SYNE2: variants seen among roughly 807,000 people sequenced by gnomAD.
The protein encoded by SYNE2 is nesprin-2.
SYNE2 carries 431 observed loss-of-function variants against 856.3 expected under a neutral mutation model. The observed-to-expected ratio is 0.50, with a 90% CI of 0.47 to 0.55. The LOEUF (loss-of-function observed/expected upper bound fraction) is 0.55. SYNE2 is among the 20% of genes least tolerant of loss of function. SYNE2 has a pLI of 0.00. For synonymous variants in SYNE2, 2,923 were observed against 2,872.3 expected (o/e 1.02, Z -0.56); for missense variants, 8,129 against 8,023.2 (o/e 1.01, Z -0.50).
chr14:64,168,776 T>G (rs1293545373), intron 92 of SYNE2, 101 bp from the exon 93 acceptor site: 2 of 826,542 alleles, frequency 2.4e-6, no homozygotes, highest in Non-Finnish European at 4.0e-6. Flanking sequence ...TAATTATCCC[T>G]CATATCCTTT....
chr14:63,817,843 G>A (rs1327678351), intron 1 of SYNE2, among the ~76,000 whole-genome samples: 2 of 151,246 alleles, frequency 1.3e-5, no homozygotes, highest in Non-Finnish European at 2.9e-5. Context: ...GGGCAACACA[G>A]GGAGACCCTG....
Position 64,207,948 on chromosome 14 carries a change from C to G in SYNE2, c.18202-810C>G. On this transcript the variant is annotated intron_variant, in intron 100 of 115. Transcript: ENST00000555002. ...CAAAACAGGTTCCTTATCTCTCTCCCTCCCCGCAGCCCACCCATGGGGTAC... is the reference window on the plus strand; with the variant it reads ...CAAAACAGGTTCCTTATCTCTCTCCGTCCCCGCAGCCCACCCATGGGGTAC... The G allele has an allele frequency of 6.6e-6, 3 of 454,708 alleles. No individual in the cohort carries two copies. The Middle Eastern group carries it at 9.8e-4, about 148-fold the overall frequency. 28.2% of individuals were successfully genotyped at this position (454,708 alleles called of 1,614,324 possible). A position where few individuals can be genotyped will look rare whatever the true frequency, so the allele number is the denominator to read the frequency against.
At position 64,053,279 on chromosome 14, in the gene SYNE2, A is replaced by G. The variant is rs369128922; in HGVS notation, c.9366A>G (p.Gln3122=). The G allele has an allele frequency of 2.3e-4, 373 of 1,608,600 alleles. 3 individuals carry two copies. The South Asian group carries it at 4.0e-3, about 17-fold the overall frequency. ...CATTCAAGGAGAAAGAAATACTACA[A>G]ATAAAGCTGAATGCAGAAGAAAATG... ...DDSFKEKEIL[Q]IKLNAEENDK... The change falls in exon 48 of 116, where the codon CAA becomes CAG. Residue 3122 remains glutamine (Q), a synonymous_variant. Transcript: ENST00000555002.
Position 64,190,187 on chromosome 14 carries a change from C to A in SYNE2, c.17988C>A (p.Leu5996=), listed in dbSNP as rs1250645489. 14 of 1,613,996 alleles carry A rather than the reference C, an allele frequency of 8.7e-6. No homozygotes were observed. Among genetic ancestry groups the A allele is most frequent in the Non-Finnish European group, 1.2e-5 (14 of 1,180,012 alleles). Residue 5996 remains leucine, a synonymous_variant, in exon 99 of 116, where the codon CTC becomes CTA. Coordinates refer to ENST00000555002, the MANE Select transcript of SYNE2 (RefSeq NM_182914.3). Reference sequence around the variant, plus strand: ...GAGCAGCTGAGATCGATGACAAGCTCAACAAAATTAACGATCGTTGGCAAC... The same window carrying A: ...GAGCAGCTGAGATCGATGACAAGCTAAACAAAATTAACGATCGTTGGCAAC... ...KSRAAEIDDK[L]NKINDRWQHL...
chr14:64,129,513 A>T (rs1428617545), intron 74 of SYNE2, among the ~76,000 whole-genome samples: 1 of 152,162 alleles, frequency 6.6e-6, no homozygotes, highest in Middle Eastern at 3.2e-3. Flanking sequence ...AGAGCTGGTG[A>T]GTGAGGAATG....
At chr14:63,804,698 TG>T (rs1269446998) in intron 1 of SYNE2, among the ~76,000 whole-genome samples, 2 of 152,114 alleles carry the variant, frequency 1.3e-5, no homozygotes, top group African/African-American at 4.8e-5. Flanking sequence ...TTCTCCATGT[TG>T]GTCAGGCTGA....
intron 63 of SYNE2, 183 bp downstream of exon 63, chr14:64,099,004 T>TCTTACACA: frequency 1.6e-6 from 1 of 625,196 alleles, no homozygotes; most frequent in Non-Finnish European, 2.8e-6. Flanking sequence ...CCTACTTCAC[T>TCTTACACA]GTGTAAGAGT....
intron 51 of SYNE2, 50 bp downstream of exon 51, chr14:64,065,700 A>G (rs2097353943): frequency 1.9e-6 from 3 of 1,595,296 alleles, no homozygotes; most frequent in Non-Finnish European, 2.6e-6. Flanking sequence ...ATGTTATTTA[A>G]ATTGTTTTAT....
chr14:63,849,847 A>G (rs994793992), upstream of SYNE2, among the ~76,000 whole-genome samples: 7 of 152,204 alleles, frequency 4.6e-5, no homozygotes, highest in African/African-American at 1.7e-4. Flanking sequence ...TCACCTGCTC[A>G]GTACGCTGTG....
Position 64,078,668 on chromosome 14 carries a change from A to T in SYNE2, c.11163+62A>T, listed in dbSNP as rs2097491051. ...CTTCTGACCCACTCCTGCCTTGTTC[A>T]TCAGTCACCACAGGGTGAGTTCTTT... On this transcript the variant is annotated intron_variant, in intron 55 of 115. Transcript: ENST00000555002. 4 of 1,588,026 alleles carry T rather than the reference A, an allele frequency of 2.5e-6. No homozygotes were observed. The East Asian group carries it at 9.0e-5, about 36-fold the overall frequency.
intron 1 of SYNE2, among the ~76,000 whole-genome samples, chr14:63,876,034 C>T (rs1457705367): frequency 1.3e-5 from 2 of 152,092 alleles, no homozygotes; most frequent in Non-Finnish European, 2.9e-5. Flanking sequence ...ATCACCCCAG[C>T]GATTCCAGTT....
chr14:63,989,700 G>C (rs1461328610), intron 19 of SYNE2, among the ~76,000 whole-genome samples: 1 of 152,060 alleles, frequency 6.6e-6, no homozygotes, highest in Non-Finnish European at 1.5e-5. Flanking sequence ...ACCCAGGCTG[G>C]AGTTCAGGAG....
intron 36 of SYNE2, 140 bp downstream of exon 36, chr14:64,021,655 C>A: frequency 8.4e-7 from 1 of 1,190,096 alleles, no homozygotes; most frequent in South Asian, 1.4e-5. Flanking sequence ...GTATATTTAG[C>A]ATTTTCATCT....
At chr14:64,050,211 G>A (rs2097215051) in intron 47 of SYNE2, among the ~76,000 whole-genome samples, 1 of 152,174 alleles carries the variant, frequency 6.6e-6, no homozygotes, top group South Asian at 2.1e-4. Flanking sequence ...TGTGGTAGCA[G>A]GAGAAGTGCA....
intron 1 of SYNE2, among the ~76,000 whole-genome samples, chr14:63,840,512 C>CTT (rs779817027): frequency 1.2e-4 from 14 of 120,434 alleles, no homozygotes; most frequent in African/African-American, 3.6e-4. Flanking sequence ...TCCTTCCTTC[C>CTT]TTTTTTTTTT....
At position 64,212,994 on chromosome 14, in the gene SYNE2, T is replaced by A; in HGVS notation, c.19045T>A (p.Ser6349Thr). The A allele has an allele frequency of 6.2e-7, 1 of 1,613,438 alleles. No homozygotes were observed. Among genetic ancestry groups the A allele is most frequent in the South Asian group, 1.1e-5 (1 of 91,058 alleles). The change falls in exon 105 of 116, where the codon TCC (serine) becomes ACC (threonine). Residue 6349 changes from serine to threonine, a missense_variant. Coordinates refer to ENST00000555002, the MANE Select transcript of SYNE2 (RefSeq NM_182914.3). ...RVSRFHRRLTSCTPGLEDEKE... is the reference protein window; with the variant it reads ...RVSRFHRRLTTCTPGLEDEKE... ...CTCCCGGTTCCACCGGCGGCTCACC[T>A]CCTGCACTCCGGTACGGGCACTGCT...
intron 1 of SYNE2, among the ~76,000 whole-genome samples, chr14:63,806,265 T>TACGTCACAAATTA (rs1279478155): frequency 3.3e-5 from 5 of 152,268 alleles, no homozygotes; most frequent in Admixed American, 3.3e-4. Flanking sequence ...TAGCTCTGTT[T>TACGTCACAAATTA]ACGTCACAAA....
At chr14:64,219,481 C>G in intron 110 of SYNE2, 71 bp downstream of exon 110, 2 of 1,497,634 alleles carry the variant, frequency 1.3e-6, no homozygotes, top group Non-Finnish European at 1.9e-6. Context: ...GCTGGACGAG[C>G]AGATCCCATG....
chr14:64,222,701 G>C (rs907780357), intron 112 of SYNE2, among the ~76,000 whole-genome samples: 9 of 152,246 alleles, frequency 5.9e-5, no homozygotes, highest in African/African-American at 1.9e-4. Flanking sequence ...ACTCCACCCT[G>C]GGCGACAGAG....
Sources: allele counts gnomAD v4.1 joint callset (sites outside exome capture counted in the v4.1 genomes callset), GRCh38; gene constraint gnomAD v4.1.1; transcripts MANE v1.5; gene names NCBI Gene and HGNC (gene_info 2026-07-23, HGNC 2026-07-21).